The following NSMCE2 variants were observed in gnomAD, a reference collection of about 807,000 sequenced individuals.
NSMCE2 encodes NSE2 SUMO ligase component of SMC5/6 complex.
NSMCE2 carries 24 observed loss-of-function variants against 23.8 expected under a neutral mutation model. The ratio of observed to expected loss-of-function variants is 1.01; its 90% CI spans 0.73 to 1.42. The LOEUF (loss-of-function observed/expected upper bound fraction) is 1.42. Among genes scored for constraint, NSMCE2 ranks in the 40% most tolerant of loss-of-function variants. NSMCE2 has a pLI of 0.00. For missense variants in NSMCE2, 284 were observed against 296.5 expected, an observed-to-expected ratio of 0.96 and a Z score of 0.31; for synonymous variants, 92 against 94.1, an observed-to-expected ratio of 0.98 and a Z score of 0.13.
intron 7 of NSMCE2, among the ~76,000 whole-genome samples, chr8:125,365,833 G>C (rs574349747): frequency 1.2e-3 from 176 of 152,096 alleles, no homozygotes; most frequent in African/African-American, 4.0e-3. Flanking sequence ...CCCCAGCCTG[G>C]GTGAAAGAGT....
intron 3 of NSMCE2, among the ~76,000 whole-genome samples, chr8:125,145,092 T>TC (rs1820602369): frequency 6.6e-6 from 1 of 152,176 alleles, no homozygotes; most frequent in Admixed American, 6.5e-5. Context: ...AGAAACCCCC[T>TC]CCTTCAGTGA....
intron 3 of NSMCE2, among the ~76,000 whole-genome samples, chr8:125,127,335 A>G (rs1304292839): frequency 6.6e-6 from 1 of 152,170 alleles, no homozygotes; most frequent in Non-Finnish European, 1.5e-5. Flanking sequence ...GGAGTACATG[A>G]TAGTAAGGGC....
intron 5 of NSMCE2, among the ~76,000 whole-genome samples, chr8:125,258,014 T>G (rs1826519550): frequency 6.6e-6 from 1 of 151,994 alleles, no homozygotes; most frequent in African/African-American, 2.4e-5. Flanking sequence ...CTCATGCCAT[T>G]AAAGGGAGGA....
chr8:125,142,283 A>G (rs928597395), intron 3 of NSMCE2, among the ~76,000 whole-genome samples: 3 of 152,210 alleles, frequency 2.0e-5, no homozygotes, highest in Non-Finnish European at 4.4e-5. Context: ...TATATATAAA[A>G]GGAAATTGAG....
At chr8:125,145,432 G>A (rs1820623671) in intron 3 of NSMCE2, among the ~76,000 whole-genome samples, 2 of 152,114 alleles carry the variant, frequency 1.3e-5, no homozygotes, top group African/African-American at 4.8e-5. Context: ...TCTTGCAACA[G>A]TTTCTTAATT....
chr8:125,204,201 C>T (rs901877623), intron 5 of NSMCE2, among the ~76,000 whole-genome samples: 1 of 152,156 alleles, frequency 6.6e-6, no homozygotes, highest in African/African-American at 2.4e-5. Flanking sequence ...CATAGTAGTC[C>T]TGGGAATAAA....
intron 3 of NSMCE2, among the ~76,000 whole-genome samples, chr8:125,127,624 C>G (rs936190074): frequency 6.6e-6 from 1 of 152,012 alleles, no homozygotes; most frequent in African/African-American, 2.4e-5. Context: ...GTTCTTGGGT[C>G]GTTCTGGAGT....
At chr8:125,127,506 A>G (rs1819571491) in intron 3 of NSMCE2, among the ~76,000 whole-genome samples, 1 of 152,216 alleles carries the variant, frequency 6.6e-6, no homozygotes, top group South Asian at 2.1e-4. Flanking sequence ...ATAGACTAAA[A>G]TAGGCGTTTA....
intron 5 of NSMCE2, among the ~76,000 whole-genome samples, chr8:125,350,055 T>C (rs1812968338): frequency 6.6e-6 from 1 of 152,216 alleles, no homozygotes; most frequent in African/African-American, 2.4e-5. Flanking sequence ...GCTTGTCAGA[T>C]GTTTATTGAA....
chr8:125,331,542 A>T (rs563927427), intron 5 of NSMCE2, among the ~76,000 whole-genome samples: 1 of 152,320 alleles, frequency 6.6e-6, no homozygotes, highest in African/African-American at 2.4e-5. Context: ...TAGCATGGGA[A>T]AGATGAAAAC....
At chr8:125,298,712 T>TTTC (rs1554634248) in intron 5 of NSMCE2, among the ~76,000 whole-genome samples, 4 of 148,742 alleles carry the variant, frequency 2.7e-5, no homozygotes, top group African/African-American at 1.0e-4. Context: ...TTTTTTTTTT[T>TTTC]CCCCAGTTTA....
At chr8:125,297,309 C>T (rs908210341) in intron 5 of NSMCE2, among the ~76,000 whole-genome samples, 1 of 152,098 alleles carries the variant, frequency 6.6e-6, no homozygotes, top group Non-Finnish European at 1.5e-5. Context: ...TTATTTTACC[C>T]AGTTTTTCCC....
At chr8:125,185,106 A>G (rs1260970429) in intron 5 of NSMCE2, among the ~76,000 whole-genome samples, 1 of 152,160 alleles carries the variant, frequency 6.6e-6, no homozygotes, top group Non-Finnish European at 1.5e-5. Context: ...TCAGGATCTA[A>G]TCAGAGAAAT....
At chr8:125,247,753 A>G (rs1205740396) in intron 5 of NSMCE2, among the ~76,000 whole-genome samples, 1 of 152,082 alleles carries the variant, frequency 6.6e-6, no homozygotes, top group Non-Finnish European at 1.5e-5. Context: ...TTGTTTCACT[A>G]ATGTAGCATT....
intron 5 of NSMCE2, among the ~76,000 whole-genome samples, chr8:125,246,495 T>C (rs186797440): frequency 2.0e-5 from 3 of 152,248 alleles, no homozygotes; most frequent in Admixed American, 1.3e-4. Context: ...AAAATGTTTC[T>C]TAAATGACCA....
intron 5 of NSMCE2, among the ~76,000 whole-genome samples, chr8:125,285,301 C>CT (rs1586719268): frequency 6.6e-6 from 1 of 152,114 alleles, no homozygotes; most frequent in African/African-American, 2.4e-5. Context: ...AAGAAAGTGA[C>CT]TTTTTACAAG....
intron 5 of NSMCE2, among the ~76,000 whole-genome samples, chr8:125,311,144 C>T (rs773682741): frequency 2.0e-5 from 3 of 152,128 alleles, no homozygotes; most frequent in Non-Finnish European, 2.9e-5. Flanking sequence ...AGGCATTTGC[C>T]CTTGCCACTA....
chr8:125,275,272 T>C (rs933451661), intron 5 of NSMCE2, among the ~76,000 whole-genome samples: 4 of 152,198 alleles, frequency 2.6e-5, no homozygotes, highest in Non-Finnish European at 5.9e-5. Flanking sequence ...TGTGAAACTT[T>C]CTGAATTTCC....
intron 5 of NSMCE2, among the ~76,000 whole-genome samples, chr8:125,190,646 T>A (rs779298914): frequency 1.9e-4 from 29 of 152,344 alleles, no homozygotes; most frequent in Non-Finnish European, 2.4e-4. Context: ...TAACTTTTTC[T>A]ACATGTCCTT....
Sources: gnomAD v4.1 joint callset for allele counts (sites outside exome capture counted in the v4.1 genomes callset) on GRCh38, gnomAD v4.1.1 for gene constraint, MANE v1.5 for transcripts, NCBI Gene and HGNC (gene_info 2026-07-23, HGNC 2026-07-21) for gene names.